The following STARD9 variants were observed in gnomAD, a reference collection of about 807,000 sequenced individuals.
The protein encoded by STARD9 is StAR related lipid transfer domain containing 9, also known as stAR-related lipid transfer protein 9.
A neutral mutation model predicts 399.8 loss-of-function variants in STARD9; 346 were observed. The ratio of observed to expected loss-of-function variants is 0.87; its 90% CI spans 0.79 to 0.95. The LOEUF (loss-of-function observed/expected upper bound fraction) is 0.95. STARD9 is among the 40% of genes least tolerant of loss of function. The probability of loss-of-function intolerance (pLI) is 0.00; values close to 1 mark genes in which losing one functional copy is unlikely to be tolerated. For missense variants in STARD9, 5,832 were observed against 5,667.5 expected (o/e 1.03, Z -0.93); for synonymous variants, 2,203 against 2,143.5 (o/e 1.03, Z -0.77).
chr15:42,641,896 G>A (rs1386659892), intron 7 of STARD9, among the ~76,000 whole-genome samples: 1 of 151,928 alleles, frequency 6.6e-6, no homozygotes, highest in Non-Finnish European at 1.5e-5. Flanking sequence ...GAGCCACCGC[G>A]CCCGGCTGAC....
At chr15:42,608,316 C>T (rs1003759346) in intron 3 of STARD9, among the ~76,000 whole-genome samples, 4 of 152,018 alleles carry the variant, frequency 2.6e-5, no homozygotes, top group African/African-American at 2.4e-5. Context: ...CAGCCGGATG[C>T]GTGAGGTGGA....
rs2060647934 is a variant in STARD9 at position 42,689,830 on chromosome 15, A to G, written c.8252A>G (p.Asp2751Gly). 2 of 1,537,156 alleles carry G rather than the reference A, an allele frequency of 1.3e-6. No individual in the cohort carries two copies. Among genetic ancestry groups the G allele is most frequent in the South Asian group, 2.4e-5 (2 of 84,060 alleles). ...VAALPSQAPY[D>G]DPRVTLHELS... ...GCCTTACCTTCTCAGGCCCCTTATG[A>G]TGATCCTAGAGTGACTCTGCATGAG... The change falls in exon 23 of 33, where the codon GAT (aspartate) becomes GGT (glycine). Residue 2751 changes from aspartate to glycine, a missense_variant. By Grantham distance (94) the Asp-to-Gly change is moderately conservative. This residue lies in a region of STARD9 where 5,828 missense variants were observed against 5,651.1 expected (regional missense o/e 1.03). Transcript: ENST00000290607.
rs1004069656 is a variant in STARD9 at position 42,688,434 on chromosome 15, C to T, written c.6856C>T (p.Leu2286Phe). 3.3e-6 allele frequency: 5 copies of T among 1,537,592 alleles called. No homozygotes were observed. Among genetic ancestry groups the T allele is most frequent in the East Asian group, 2.4e-5 (1 of 40,934 alleles). ...AATGCCTATGCAAAGGGGAGGCAGC[C>T]TTCAGGAAGAAAATAAAGTGACTCA... Reference protein sequence around the residue: ...EEMPMQRGGSLQEENKVTQKF... With the variant: ...EEMPMQRGGSFQEENKVTQKF... Residue 2286 changes from leucine (L) to phenylalanine (F), a missense_variant, in exon 23 of 33, where the codon CTT becomes TTT. Physicochemically the swap from Leu to Phe is conservative, Grantham distance 22. This residue lies in a region of STARD9 where 5,828 missense variants were observed against 5,651.1 expected (regional missense o/e 1.03). Coordinates refer to ENST00000290607, the MANE Select transcript of STARD9 (RefSeq NM_020759.3).
In STARD9 at chr15:42,575,691, G is replaced by A; in HGVS notation, c.-25G>A. 1.3e-6 allele frequency: 2 copies of A among 1,536,336 alleles called. No individual in the cohort carries two copies. The highest frequency in any genetic ancestry group is 1.7e-6 in the Non-Finnish European group (2 of 1,146,718). ...TGGGATGCTGCCGCTGAGCTGACCC[G>A]CTGGACTTGGGTTGTGGCAGACGGA... is the stretch of plus-strand genomic sequence containing the variant. On this transcript the variant is annotated 5_prime_UTR_variant, in exon 1 of 33. Coordinates refer to ENST00000290607, the MANE Select transcript of STARD9 (RefSeq NM_020759.3).
chr15:42,657,355 C>T (rs544643109), intron 9 of STARD9, among the ~76,000 whole-genome samples: 7 of 127,406 alleles, frequency 5.5e-5, no homozygotes, highest in African/African-American at 2.4e-4. Flanking sequence ...AGTGAGATTC[C>T]GTCTCAAAAA....
At chr15:42,704,656 A>G (rs2061037280) in intron 26 of STARD9, among the ~76,000 whole-genome samples, 2 of 152,292 alleles carry the variant, frequency 1.3e-5, no homozygotes, top group South Asian at 4.1e-4. Flanking sequence ...GGACCTGAGT[A>G]AGACCCAGGG....
chr15:42,697,858 G>C (rs2060877353), intron 26 of STARD9, among the ~76,000 whole-genome samples: 1 of 152,022 alleles, frequency 6.6e-6, no homozygotes, highest in African/African-American at 2.4e-5. Flanking sequence ...TTGGAGAAGG[G>C]GTACTCAACC....
Position 42,690,819 on chromosome 15 carries a change from T to C in STARD9, c.9241T>C (p.Leu3081=). The C allele has an allele frequency of 3.9e-6, 6 of 1,537,058 alleles. No homozygotes were observed. Among genetic ancestry groups the C allele is most frequent in the Non-Finnish European group, 5.2e-6 (6 of 1,146,864 alleles). ...CTCAGCTACTGATGGAAGCGTGGGG[T>C]TAATAGGGGTTCCTGAGAAAAAGGT... The part of the protein sequence containing the change: ...SHSATDGSVG[L]IGVPEKKVAE... The change falls in exon 23 of 33, where the codon TTA becomes CTA. Residue 3081 remains leucine, a synonymous_variant. Coordinates refer to ENST00000290607, the MANE Select transcript of STARD9 (RefSeq NM_020759.3).
intron 3 of STARD9, among the ~76,000 whole-genome samples, chr15:42,633,769 A>G (rs1264309175): frequency 1.5e-4 from 23 of 151,786 alleles, no homozygotes; most frequent in Admixed American, 1.4e-3. Context: ...CCGCTTCCCA[A>G]GTAGCTGGGA....
chr15:42,652,951 T>TA (rs1445331598), intron 9 of STARD9, among the ~76,000 whole-genome samples: 1 of 152,194 alleles, frequency 6.6e-6, no homozygotes, highest in East Asian at 1.9e-4. Context: ...GTGCTGGCAT[T>TA]ACAGATGGGA....
rs1332447263 is a variant in STARD9, at chr15:42,685,429, A to G, written c.3851A>G (p.His1284Arg). The change falls in exon 23 of 33, where the codon CAT becomes CGT. Residue 1284 changes from histidine (H) to arginine (R), a missense_variant. This residue lies in a region of STARD9 where 5,828 missense variants were observed against 5,651.1 expected (regional missense o/e 1.03). Transcript: ENST00000290607. ...TACCTTGATCCTCAGTTCCAACCCCATTGTGAGCTCCAACCCCATTGTGAG... is the reference window on the plus strand; with the variant it reads ...TACCTTGATCCTCAGTTCCAACCCCGTTGTGAGCTCCAACCCCATTGTGAG... ...SFYLDPQFQP[H>R]CELQPHCELQ... 15 of 1,535,910 alleles carry G rather than the reference A, an allele frequency of 9.8e-6. No individual in the cohort carries two copies. Among genetic ancestry groups the G allele is most frequent in the African/African-American group, 1.4e-5 (1 of 72,904 alleles).
At chr15:42,601,593 G>A (rs971504868) in intron 3 of STARD9, among the ~76,000 whole-genome samples, 2 of 150,166 alleles carry the variant, frequency 1.3e-5, no homozygotes, top group African/African-American at 2.4e-5. Flanking sequence ...CCCACCTCCC[G>A]GACGGGGCGG....
chr15:42,649,823 G>T (rs1348705293), intron 7 of STARD9, among the ~76,000 whole-genome samples: 2 of 145,974 alleles, frequency 1.4e-5, no homozygotes, highest in Non-Finnish European at 3.0e-5. Context: ...GGCTCCCAAA[G>T]TAGTACTGGG....
chr15:42,652,631 C>G, intron 9 of STARD9, 39 bp downstream of exon 9: 1 of 1,490,112 alleles, frequency 6.7e-7, no homozygotes, highest in Non-Finnish European at 9.1e-7. Context: ...TTCTTCCTCT[C>G]CTTGTACCTT....
chr15:42,687,788 G>A lies in STARD9; in HGVS notation c.6210G>A (p.Lys2070=), dbSNP rs2060597759. 1 of 1,537,334 alleles carries A rather than the reference G, an allele frequency of 6.5e-7. No homozygotes were observed. Among genetic ancestry groups the A allele is most frequent in the Admixed American group, 2.0e-5 (1 of 50,992 alleles). The stretch of plus-strand genomic sequence containing the variant: ...TAGAAATTGAATCTAAGCAGAATAA[G>A]CAGGTTCATGCTTCCCACACACCAG... ...GILEIESKQN[K]QVHASHTPGT... is the part of the protein sequence containing the mutation. Residue 2070 remains lysine (K), a synonymous_variant, in exon 23 of 33, where the codon AAG becomes AAA. Transcript: ENST00000290607.
At position 42,682,486 on chromosome 15, in the gene STARD9, C is replaced by T. The variant is rs748654340; in HGVS notation, c.2448C>T (p.Val816=). 9.8e-6 allele frequency: 15 copies of T among 1,537,090 alleles called. 1 individual carries two copies. In the South Asian group the frequency reaches 1.7e-4, roughly 17 times the overall value. ...PYQVLSPDAT[V]PRPPCRSKLT... is the part of the protein sequence containing the mutation. Reference sequence around the variant, plus strand: ...AGGTCCTCAGCCCTGATGCCACAGTCCCACGGCCTCCATGTAGAAGCAAAT... The same window carrying T: ...AGGTCCTCAGCCCTGATGCCACAGTTCCACGGCCTCCATGTAGAAGCAAAT... Residue 816 remains valine, a synonymous_variant, in exon 22 of 33, where the codon GTC becomes GTT. Coordinates refer to ENST00000290607, the MANE Select transcript of STARD9 (RefSeq NM_020759.3).
chr15:42,679,092 G>A (rs1476733652), intron 20 of STARD9, among the ~76,000 whole-genome samples: 1 of 152,210 alleles, frequency 6.6e-6, no homozygotes, highest in African/African-American at 2.4e-5. Context: ...CAGACAAGGA[G>A]ACTGAGTAAT....
At chr15:42,597,996 A>G (rs1225107652) in intron 3 of STARD9, among the ~76,000 whole-genome samples, 8 of 43,984 alleles carry the variant, frequency 1.8e-4, no homozygotes, top group Middle Eastern at 0.011. Context: ...GTTTGTATAT[A>G]TATATGTGTG....
chr15:42,685,000 G>T lies in STARD9; in HGVS notation c.3422G>T (p.Ser1141Ile). ...WDFPEPENSESDDSQLSEDSL... is the reference protein window; with the variant it reads ...WDFPEPENSEIDDSQLSEDSL... ...TTCCCAGAGCCAGAGAACTCTGAAAGTGATGACAGCCAACTATCTGAGGAC... is the reference window on the plus strand; with the variant it reads ...TTCCCAGAGCCAGAGAACTCTGAAATTGATGACAGCCAACTATCTGAGGAC... Residue 1141 changes from serine (S) to isoleucine (I), a missense_variant, in exon 23 of 33, where the codon AGT (serine) becomes ATT (isoleucine). This residue lies in a region of STARD9 where 5,828 missense variants were observed against 5,651.1 expected (regional missense o/e 1.03). Coordinates refer to ENST00000290607, the MANE Select transcript of STARD9 (RefSeq NM_020759.3). 2.0e-6 allele frequency: 3 copies of T among 1,537,126 alleles called. No individual in the cohort carries two copies. The highest frequency in any genetic ancestry group is 8.7e-7 in the Non-Finnish European group (1 of 1,146,928).
Sources: allele counts gnomAD v4.1 joint callset (sites outside exome capture counted in the v4.1 genomes callset), GRCh38; gene constraint gnomAD v4.1.1; regional missense constraint gnomAD v4.1.1; transcripts MANE v1.5; gene names NCBI Gene and HGNC (gene_info 2026-07-23, HGNC 2026-07-21).